DMTF1: variants seen among roughly 807,000 people sequenced by gnomAD.
The protein encoded by DMTF1 is cyclin D binding myb like transcription factor 1, also known as cyclin-D-binding Myb-like transcription factor 1.
Under a neutral mutation model 91.1 loss-of-function variants are expected in DMTF1, and 39 were observed. The ratio of observed to expected loss-of-function variants is 0.43; its 90% CI spans 0.33 to 0.56. DMTF1 has a LOEUF of 0.56. Among genes scored for constraint, DMTF1 ranks in the 20% least tolerant of loss-of-function variants. DMTF1 has a pLI of 0.05. For synonymous variants in DMTF1, 338 were observed against 309.5 expected, an observed-to-expected ratio of 1.09 and a Z score of -0.97; for missense variants, 750 against 914.5, an observed-to-expected ratio of 0.82 and a Z score of 2.32.
In DMTF1 at chr7:87,163,598, C is replaced by G. The variant is rs1251716180; in HGVS notation, c.-28C>G. On this transcript the variant is annotated 5_prime_UTR_variant, in exon 2 of 18. Transcript: ENST00000331242. ...CTTGATTCTGTGGGAAGGGCTGTAG[C>G]TGATCCATCCGTTGTCTAGGTAAGT... 1.3e-5 allele frequency: 2 copies of G among 152,326 alleles called. No individual in the cohort carries two copies. Among genetic ancestry groups the G allele is most frequent in the Admixed American group, 6.5e-5 (1 of 15,302 alleles). 9.4% of individuals were successfully genotyped at this position (152,326 alleles called of 1,614,324 possible). A position where few individuals can be genotyped will look rare whatever the true frequency, so the allele number is the denominator to read the frequency against.
intron 10 of DMTF1, among the ~76,000 whole-genome samples, chr7:87,183,702 GA>G (rs906243498): frequency 3.3e-5 from 5 of 151,920 alleles, no homozygotes; most frequent in African/African-American, 7.2e-5. Flanking sequence ...TAAAGAAGAT[GA>G]AAAAAAATGG....
At chr7:87,181,220 CA>C in intron 8 of DMTF1, 88 bp from the exon 9 acceptor site, 1 of 648,716 alleles carries the variant, frequency 1.5e-6, no homozygotes, top group South Asian at 1.7e-5. Context: ...ACTTAACATT[CA>C]GCTCCCTAAA....
chr7:87,186,079 C>A, intron 12 of DMTF1, 99 bp downstream of exon 12: 1 of 1,309,252 alleles, frequency 7.6e-7, no homozygotes, highest in Non-Finnish European at 1.1e-6. Context: ...CTAGAGATAT[C>A]ATAGCAGATT....
chr7:87,193,936 T>C lies in DMTF1; in HGVS notation c.1862T>C (p.Met621Thr), dbSNP rs1208449463. The C allele has an allele frequency of 6.2e-7, 1 of 1,613,254 alleles. No individual in the cohort carries two copies. The highest frequency in any genetic ancestry group is 8.5e-7 in the Non-Finnish European group (1 of 1,179,634). Residue 621 changes from methionine to threonine, a missense_variant, in exon 16 of 18, where the codon ATG becomes ACG. Coordinates refer to ENST00000331242, the MANE Select transcript of DMTF1 (RefSeq NM_001142327.2). Reference protein sequence around the residue: ...TFPDEIHHPKMTVEPSFNDAH... With the variant: ...TFPDEIHHPKTTVEPSFNDAH... ...CCAGATGAAATTCATCACCCTAAGA[T>C]GACTGTGGAGCCATCATTTAATGAT...
intron 4 of DMTF1, among the ~76,000 whole-genome samples, chr7:87,169,985 T>C (rs1474971813): frequency 1.3e-5 from 2 of 152,250 alleles, no homozygotes; most frequent in African/African-American, 4.8e-5. Flanking sequence ...TCTCATTCTC[T>C]AAATATTTAG....
At chr7:87,169,048 C>G (rs1794487289) in intron 4 of DMTF1, among the ~76,000 whole-genome samples, 1 of 152,190 alleles carries the variant, frequency 6.6e-6, no homozygotes, top group Admixed American at 6.5e-5. Context: ...ATTTCTTCCC[C>G]TTTACCTACT....
intron 1 of DMTF1, 31 bp downstream of exon 1, chr7:87,152,586 C>G (rs929649427): frequency 1.3e-5 from 2 of 152,726 alleles, no homozygotes; most frequent in Non-Finnish European, 2.9e-5. Context: ...AGGTTCCAAC[C>G]GCCGCCAGGG....
intron 1 of DMTF1, among the ~76,000 whole-genome samples, chr7:87,161,099 G>T (rs915349908): frequency 2.0e-5 from 3 of 151,978 alleles, no homozygotes; most frequent in African/African-American, 2.4e-5. Context: ...TGAACTGTGT[G>T]TGTTACCCAT....
intron 1 of DMTF1, among the ~76,000 whole-genome samples, chr7:87,161,280 C>T (rs13238104): frequency 3.2e-4 from 48 of 152,226 alleles, no homozygotes; most frequent in South Asian, 2.1e-3. Flanking sequence ...AGTGGATCAC[C>T]TGAGGTCAGG....
chr7:87,180,565 A>G lies in DMTF1; in HGVS notation c.678-744A>G, dbSNP rs1261499375. On this transcript the variant is annotated intron_variant, in intron 8 of 17. Transcript: ENST00000331242. Reference sequence around the variant, plus strand: ...GTATGTCAGATGTCCATACCTGGGTAAAGGAAATGAAGATAATCTTAATTT... The same window carrying G: ...GTATGTCAGATGTCCATACCTGGGTGAAGGAAATGAAGATAATCTTAATTT... 3.3e-5 allele frequency among the ~76,000 whole-genome samples: 5 copies of G among 152,200 alleles called. No homozygotes were observed. In the East Asian group the frequency reaches 9.6e-4, roughly 29 times the overall value.
At chr7:87,180,783 A>T (rs1797158373) in intron 8 of DMTF1, among the ~76,000 whole-genome samples, 1 of 152,048 alleles carries the variant, frequency 6.6e-6, no homozygotes, top group South Asian at 2.1e-4. Flanking sequence ...AAATTATACA[A>T]TCCTTACCTT....
At chr7:87,160,755 T>A (rs1217081496) in intron 1 of DMTF1, among the ~76,000 whole-genome samples, 1 of 152,166 alleles carries the variant, frequency 6.6e-6, no homozygotes, top group Non-Finnish European at 1.5e-5. Context: ...AACTACTTAA[T>A]GCTCATTGAA....
At chr7:87,190,264 A>T (rs1799446123) in intron 13 of DMTF1, among the ~76,000 whole-genome samples, 1 of 151,976 alleles carries the variant, frequency 6.6e-6, no homozygotes, top group Non-Finnish European at 1.5e-5. Context: ...GTTTACAAGC[A>T]CTTTTGATCC....
intron 4 of DMTF1, among the ~76,000 whole-genome samples, chr7:87,167,118 C>A (rs1361916958): frequency 6.6e-6 from 1 of 152,162 alleles, no homozygotes; most frequent in Non-Finnish European, 1.5e-5. Context: ...TGGCTAAGAG[C>A]ATATCTAGGC....
At position 87,184,635 on chromosome 7, in the gene DMTF1, C is replaced by G. The variant is rs747429872; in HGVS notation, c.1049+10C>G. On this transcript the variant is annotated intron_variant, in intron 11 of 17. Transcript: ENST00000331242. Reference sequence around the variant, plus strand: ...TCAATCTCATCCTCAGGTTTGTGTCCTGAATCTTGTAATGACAAAAGCAAC... The same window carrying G: ...TCAATCTCATCCTCAGGTTTGTGTCGTGAATCTTGTAATGACAAAAGCAAC... 90 of 1,609,286 alleles carry G rather than the reference C, an allele frequency of 5.6e-5. No individual in the cohort carries two copies. Among genetic ancestry groups the G allele is most frequent in the Admixed American group, 1.2e-4 (7 of 59,842 alleles).
chr7:87,191,623 A>G (rs1799792079), intron 14 of DMTF1, among the ~76,000 whole-genome samples: 1 of 152,172 alleles, frequency 6.6e-6, no homozygotes, highest in Admixed American at 6.6e-5. Context: ...ATACTGAAAC[A>G]TGGTACAACA....
chr7:87,153,501 CTT>C (rs1239003723), intron 1 of DMTF1, among the ~76,000 whole-genome samples: 4 of 152,226 alleles, frequency 2.6e-5, no homozygotes, highest in African/African-American at 7.2e-5. Flanking sequence ...GAGCATATGT[CTT>C]TATATAAAAT....
chr7:87,192,960 C>G (rs1160070343), intron 14 of DMTF1: 7 of 463,938 alleles, frequency 1.5e-5, no homozygotes, highest in Non-Finnish European at 2.7e-5. Context: ...ATACAACTGT[C>G]TTGGTGCCCT....
chr7:87,188,473 G>C (rs924594349), intron 13 of DMTF1, among the ~76,000 whole-genome samples, 172 bp downstream of exon 13: 1 of 152,178 alleles, frequency 6.6e-6, no homozygotes, highest in Non-Finnish European at 1.5e-5. Context: ...CACAATGAAT[G>C]TGTGACAGGA....
Sources: allele counts gnomAD v4.1 joint callset (sites outside exome capture counted in the v4.1 genomes callset), GRCh38; gene constraint gnomAD v4.1.1; transcripts MANE v1.5; gene names NCBI Gene and HGNC (gene_info 2026-07-23, HGNC 2026-07-21).